AHCYL2: variants seen among roughly 807,000 people sequenced by gnomAD.
The protein encoded by AHCYL2 is adenosylhomocysteinase like 2, also known as S-adenosylhomocysteine hydrolase-like protein 2.
AHCYL2 carries 28 observed loss-of-function variants against 81.4 expected under a neutral mutation model. The ratio of observed to expected loss-of-function variants is 0.34; its 90% confidence interval spans 0.25 to 0.47. The LOEUF is 0.47. AHCYL2 is among the 20% of genes least tolerant of loss of function. AHCYL2 has a pLI of 1.00. For missense variants in AHCYL2, 551 were observed against 785.1 expected, an observed-to-expected ratio of 0.70 and a Z score of 3.56; for synonymous variants, 272 against 290.2, an observed-to-expected ratio of 0.94 and a Z score of 0.64.
Position 129,409,521 on chromosome 7 carries a change from A to C in AHCYL2, c.1341A>C (p.Gln447His). 1 of 1,613,870 alleles carries C rather than the reference A, an allele frequency of 6.2e-7. No homozygotes were observed. The highest frequency in any genetic ancestry group is 8.5e-7 in the Non-Finnish European group (1 of 1,179,840). The change falls in exon 11 of 17, where the codon CAA becomes CAC. Residue 447 changes from glutamine (Q) to histidine (H), a missense_variant. Physicochemically the swap from Gln to His is conservative, Grantham distance 24. Coordinates refer to ENST00000325006, the MANE Select transcript of AHCYL2 (RefSeq NM_015328.4). The part of the protein sequence containing the change: ...RLVKLNEVIR[Q>H]VDIVITCTGN... Reference sequence around the variant, plus strand: ...TGAAATTAAATGAGGTCATCCGACAAGTGGACATTGTTATTACCTGTACAG... The same window carrying C: ...TGAAATTAAATGAGGTCATCCGACACGTGGACATTGTTATTACCTGTACAG...
chr7:129,385,973 G>C (rs983773283), intron 2 of AHCYL2, among the ~76,000 whole-genome samples: 5 of 152,122 alleles, frequency 3.3e-5, no homozygotes, highest in African/African-American at 1.2e-4. Flanking sequence ...CGGATTCAAA[G>C]AATAAATGAG....
chr7:129,325,705 ATTTTG>A (rs1272031099), intron 1 of AHCYL2, among the ~76,000 whole-genome samples: 1 of 149,338 alleles, frequency 6.7e-6, no homozygotes, highest in South Asian at 2.1e-4. Context: ...GGTTTGTTTT[ATTTTG>A]TTTTGTTTTT....
At chr7:129,260,347 A>G (rs1445033329) in intron 1 of AHCYL2, among the ~76,000 whole-genome samples, 1 of 152,214 alleles carries the variant, frequency 6.6e-6, no homozygotes, top group Non-Finnish European at 1.5e-5. Context: ...AACTGGGTGC[A>G]TAGGGAATAA....
intron 1 of AHCYL2, among the ~76,000 whole-genome samples, chr7:129,317,587 C>T (rs747243419): frequency 1.4e-4 from 21 of 152,134 alleles, no homozygotes; most frequent in Non-Finnish European, 2.8e-4. Context: ...AGCAGAATCC[C>T]GTATGGGGCA....
chr7:129,412,675 G>A (rs141081256), intron 11 of AHCYL2, among the ~76,000 whole-genome samples: 1 of 152,242 alleles, frequency 6.6e-6, no homozygotes, highest in African/African-American at 2.4e-5. Flanking sequence ...ACCAACACTT[G>A]TTATTGTCAG....
At chr7:129,345,177 G>T (rs566864335) in intron 1 of AHCYL2, among the ~76,000 whole-genome samples, 1 of 152,284 alleles carries the variant, frequency 6.6e-6, no homozygotes, top group South Asian at 2.1e-4. Context: ...GTGGGAGAGG[G>T]TAAGAAGGAA....
At chr7:129,354,034 C>A (rs979815975) in intron 1 of AHCYL2, among the ~76,000 whole-genome samples, 1 of 152,062 alleles carries the variant, frequency 6.6e-6, no homozygotes, top group Non-Finnish European at 1.5e-5. Context: ...GACATAGTAA[C>A]CATGGCATGA....
At chr7:129,228,192 C>A (rs1191650858) in intron 1 of AHCYL2, among the ~76,000 whole-genome samples, 1 of 152,186 alleles carries the variant, frequency 6.6e-6, no homozygotes, top group Non-Finnish European at 1.5e-5. Context: ...GTGACTGTTG[C>A]ATTTGTTTTT....
intron 1 of AHCYL2, among the ~76,000 whole-genome samples, chr7:129,256,291 A>G (rs990382877): frequency 2.6e-5 from 4 of 152,188 alleles, no homozygotes; most frequent in African/African-American, 9.7e-5. Context: ...AAAAGATATA[A>G]AAAGATTATG....
At chr7:129,257,386 T>G (rs1351056643) in intron 1 of AHCYL2, among the ~76,000 whole-genome samples, 1 of 152,134 alleles carries the variant, frequency 6.6e-6, no homozygotes, top group Admixed American at 6.5e-5. Context: ...GAGGAAGTCC[T>G]ACCTTCATAT....
At chr7:129,351,138 A>G (rs1223822398) in intron 1 of AHCYL2, among the ~76,000 whole-genome samples, 1 of 152,192 alleles carries the variant, frequency 6.6e-6, no homozygotes, top group Non-Finnish European at 1.5e-5. Context: ...TGAAAGTTGA[A>G]AAAAGTTTTG....
At chr7:129,237,639 C>T (rs1245599110) in intron 1 of AHCYL2, among the ~76,000 whole-genome samples, 2 of 151,898 alleles carry the variant, frequency 1.3e-5, no homozygotes, top group Non-Finnish European at 2.9e-5. Context: ...ATGTCCTATG[C>T]AGTGGTAGCC....
Position 129,377,782 on chromosome 7 carries a change from T to A in AHCYL2, c.364-1856T>A, listed in dbSNP as rs542198768. Among the ~76,000 whole-genome samples, 24 of 152,318 alleles carry A rather than the reference T, an allele frequency of 1.6e-4. No homozygotes were observed. The East Asian group carries it at 4.6e-3, about 29-fold the overall frequency. On this transcript the variant is annotated intron_variant, in intron 1 of 16. Coordinates refer to ENST00000325006, the MANE Select transcript of AHCYL2 (RefSeq NM_015328.4). ...TCCCCAAACAAGTATAGCTTACAAG[T>A]GACCTTTGATTTGTAGAGTATTATA...
chr7:129,238,951 CAAAA>C (rs879299535), intron 1 of AHCYL2, among the ~76,000 whole-genome samples: 1 of 150,382 alleles, frequency 6.6e-6, no homozygotes, highest in East Asian at 1.9e-4. Context: ...AACTCCGTCT[CAAAA>C]AAAAAGAACC....
chr7:129,368,087 G>A lies in AHCYL2; in HGVS notation c.364-11551G>A. On this transcript the variant is annotated intron_variant, in intron 1 of 16. Coordinates refer to ENST00000325006, the MANE Select transcript of AHCYL2 (RefSeq NM_015328.4). This position sits in a 1 kb window ranked among gnomAD's most constrained non-coding sequence, Gnocchi z 4.4. ...GCACCTCCAGTGACGTGTCCTGAAG[G>A]GTGGGAGAGAATTCACAAGTGCCTC... The A allele has an allele frequency of 1.0e-6, 1 of 1,003,872 alleles. No homozygotes were observed. The highest frequency in any genetic ancestry group is 1.0e-4 in the East Asian group (1 of 9,882). The allele number at this position is 1,003,872 out of a possible 1,614,324, so 62.2% of individuals were successfully genotyped here.
At chr7:129,390,505 A>T (rs1392814220) in intron 4 of AHCYL2, among the ~76,000 whole-genome samples, 1 of 152,248 alleles carries the variant, frequency 6.6e-6, no homozygotes, top group Non-Finnish European at 1.5e-5. Flanking sequence ...AGACTGTAAT[A>T]AAAGTTATGT....
At chr7:129,423,018 G>C (rs1345134613) in intron 13 of AHCYL2, 80 bp downstream of exon 13, 3 of 1,196,702 alleles carry the variant, frequency 2.5e-6, no homozygotes, top group East Asian at 2.5e-5. Context: ...TCATGTTCTC[G>C]AATACTTTCA....
chr7:129,333,620 G>A (rs1798497001), intron 1 of AHCYL2, among the ~76,000 whole-genome samples: 1 of 152,068 alleles, frequency 6.6e-6, no homozygotes, highest in African/African-American at 2.4e-5. Context: ...GTTCAGATAT[G>A]GGGAAAAAAA....
intron 1 of AHCYL2, among the ~76,000 whole-genome samples, chr7:129,356,828 G>A (rs954846056): frequency 6.6e-6 from 1 of 152,176 alleles, no homozygotes; most frequent in African/African-American, 2.4e-5. Context: ...GAGAAGAAAA[G>A]TGTCACCTTC....
Sources: allele counts gnomAD v4.1 joint callset (sites outside exome capture counted in the v4.1 genomes callset), GRCh38; gene constraint gnomAD v4.1.1; non-coding constraint Gnocchi (gnomAD v3.1); transcripts MANE v1.5; gene names NCBI Gene and HGNC (gene_info 2026-07-23, HGNC 2026-07-21).